PCTP: variants seen among roughly 807,000 people sequenced by gnomAD.
The protein encoded by PCTP is phosphatidylcholine transfer protein, also known as START domain-containing protein 2.
PCTP carries 27 observed loss-of-function variants against 31.0 expected under a neutral mutation model. That is an observed-to-expected ratio of 0.87 (90% CI 0.64 to 1.20). The LOEUF is 1.20. Among genes scored for constraint, PCTP ranks in the 50% most tolerant of loss-of-function variants. The pLI is 0.00. For missense variants in PCTP, 287 were observed against 268.2 expected (o/e 1.07, Z -0.49); for synonymous variants, 108 against 101.2 (o/e 1.07, Z -0.40).
chr17:55,775,357 G>A, intron 5 of PCTP: 1 of 1,232,274 alleles, frequency 8.1e-7, no homozygotes, highest in Non-Finnish European at 1.0e-6. Context: ...CTGCCCAGGA[G>A]CCTGGCATTA....
At chr17:55,793,534 C>T (rs1912078227) in intron 3 of PCTP, among the ~76,000 whole-genome samples, 1 of 152,112 alleles carries the variant, frequency 6.6e-6, no homozygotes, top group African/African-American at 2.4e-5. Flanking sequence ...TTCTGATTCT[C>T]CTACTACAAC....
downstream of PCTP, among the ~76,000 whole-genome samples, chr17:55,825,080 G>A (rs1366789850): frequency 1.3e-5 from 2 of 152,094 alleles, no homozygotes; most frequent in Non-Finnish European, 2.9e-5. Context: ...TTTTTTTAAT[G>A]TCTTTTCTTG....
downstream of PCTP, among the ~76,000 whole-genome samples, chr17:55,845,887 GGTGTGTGTGTGTGTGTGTGT>G (rs34179575): frequency 2.1e-5 from 3 of 142,958 alleles, no homozygotes; most frequent in Non-Finnish European, 4.6e-5. Flanking sequence ...AGAGGGTTGG[GGTGTGTGTGTGTGTGTGTGT>G]GTGTGTGTGT....
chr17:55,781,982 G>C (rs1911580286), downstream of PCTP, among the ~76,000 whole-genome samples: 1 of 152,072 alleles, frequency 6.6e-6, no homozygotes, highest in Non-Finnish European at 1.5e-5. Context: ...AATTATGGAG[G>C]CCGAGAAGTC....
At chr17:55,771,008 C>A in intron 2 of PCTP, 98 bp from the exon 3 acceptor site, 1 of 862,636 alleles carries the variant, frequency 1.2e-6, no homozygotes, top group Non-Finnish European at 1.9e-6. Context: ...GCTGGGATTA[C>A]AGGCATGAGC....
chr17:55,839,919 C>CAAAAAAAAAA (rs57402824), intron 5 of PCTP, among the ~76,000 whole-genome samples: 562 of 12,472 alleles, frequency 0.045, 35 homozygotes, highest in Non-Finnish European at 0.061. Context: ...GACTCAGTCT[C>CAAAAAAAAAA]AAAAAAAAAA....
downstream of PCTP, among the ~76,000 whole-genome samples, chr17:55,845,085 CAAAAAAAAAAA>C (rs891404386): frequency 0.015 from 491 of 32,528 alleles, 8 homozygotes; most frequent in African/African-American, 0.044. Flanking sequence ...AAAACTCCAT[CAAAAAAAAAAA>C]AAAAAAAAAA....
In PCTP at chr17:55,777,313, G is replaced by C; in HGVS notation, c.*1213G>C. ...TTATTAATGTGGGATACCTCAGACT[G>C]TTTGTTTTCTTTCTGGGAAGAAAAG... On this transcript the variant is annotated 3_prime_UTR_variant, in exon 6 of 6. Coordinates refer to ENST00000268896, the MANE Select transcript of PCTP (RefSeq NM_021213.4). The C allele has an allele frequency of 1.0e-6, 1 of 984,584 alleles. No homozygotes were observed. The highest frequency in any genetic ancestry group is 1.2e-6 in the Non-Finnish European group (1 of 828,832). 61.0% of individuals were successfully genotyped at this position (984,584 alleles called of 1,614,324 possible).
chr17:55,773,765 G>C lies in PCTP; in HGVS notation c.381G>C (p.Gly127=). ...AGCGGCGAGACCTGGACATGGAAGG[G>C]AGGAAGATCCATGTGATCCTGGCCC... ...LRQRRDLDME[G]RKIHVILARS... The change falls in exon 4 of 6, where the codon GGG becomes GGC. Residue 127 remains glycine (G), a synonymous_variant. Transcript: ENST00000268896. The C allele has an allele frequency of 6.2e-7, 1 of 1,614,012 alleles. No individual in the cohort carries two copies. Among genetic ancestry groups the C allele is most frequent in the Non-Finnish European group, 8.5e-7 (1 of 1,179,966 alleles).
intron 4 of PCTP, 110 bp from the exon 5 acceptor site, chr17:55,774,682 C>G (rs1911210194): frequency 1.1e-6 from 1 of 870,578 alleles, no homozygotes; most frequent in Admixed American, 1.9e-5. Flanking sequence ...TGCTACCTCC[C>G]TCTGCAGTTT....
At chr17:55,839,947 A>C (rs980777159) in intron 5 of PCTP, among the ~76,000 whole-genome samples, 3 of 150,178 alleles carry the variant, frequency 2.0e-5, no homozygotes, top group African/African-American at 7.3e-5. Context: ...AAAAAAAAAA[A>C]CAACTGAAGC....
intron 1 of PCTP, among the ~76,000 whole-genome samples, chr17:55,752,320 C>A (rs1432395113): frequency 6.6e-6 from 1 of 152,184 alleles, no homozygotes; most frequent in Non-Finnish European, 1.5e-5. Context: ...TGTCTCATTG[C>A]AGGAATGAAA....
At chr17:55,789,848 C>A (rs1220627921) in intron 3 of PCTP, among the ~76,000 whole-genome samples, 2 of 151,876 alleles carry the variant, frequency 1.3e-5, no homozygotes, top group Non-Finnish European at 2.9e-5. Flanking sequence ...GAGACACAAC[C>A]AAAAAAGAGA....
chr17:55,840,663 A>AT (rs1167062720), intron 5 of PCTP, among the ~76,000 whole-genome samples: 3 of 152,190 alleles, frequency 2.0e-5, no homozygotes, highest in Non-Finnish European at 4.4e-5. Context: ...TAATTGTTCT[A>AT]TTTTATCATT....
intron 1 of PCTP, among the ~76,000 whole-genome samples, chr17:55,757,567 GTGTA>G (rs1236482681): frequency 4.7e-5 from 2 of 42,302 alleles, no homozygotes; most frequent in East Asian, 1.6e-3. Context: ...ATATGTGTGT[GTGTA>G]TATATACTAA....
chr17:55,790,977 A>G (rs1911945598), intron 3 of PCTP, among the ~76,000 whole-genome samples: 1 of 151,874 alleles, frequency 6.6e-6, no homozygotes, highest in Non-Finnish European at 1.5e-5. Context: ...ACGGAACAGA[A>G]CAGAGCCCTC....
chr17:55,769,825 T>C (rs886860110), intron 2 of PCTP: 1 of 151,230 alleles, frequency 6.6e-6, no homozygotes, highest in African/African-American at 2.4e-5. Flanking sequence ...TGCGAAACCA[T>C]GCAGCTGAGA....
chr17:55,780,620 A>T (rs1911530444), downstream of PCTP, among the ~76,000 whole-genome samples: 1 of 152,238 alleles, frequency 6.6e-6, no homozygotes, highest in Admixed American at 6.5e-5. Context: ...TGGACCTGGC[A>T]TGACATGTAG....
At chr17:55,845,386 G>A (rs1230393763), downstream of PCTP, among the ~76,000 whole-genome samples, 1 of 152,122 alleles carries the variant, frequency 6.6e-6, no homozygotes, top group Non-Finnish European at 1.5e-5. Context: ...TCTCCGTGGT[G>A]CAGCCAGGCC....
Sources: allele counts gnomAD v4.1 joint callset (sites outside exome capture counted in the v4.1 genomes callset), GRCh38; gene constraint gnomAD v4.1.1; transcripts MANE v1.5; gene names NCBI Gene and HGNC (gene_info 2026-07-23, HGNC 2026-07-21).